Variants in GRM5 observed in about 807,000 individuals in gnomAD.
GRM5 encodes metabotropic glutamate receptor 5.
A neutral mutation model predicts 83.1 loss-of-function variants in GRM5; 19 were observed. That is an observed-to-expected ratio of 0.23 (90% CI 0.16 to 0.34). GRM5 has a LOEUF of 0.34. Ranked by LOEUF, GRM5 falls within the 10% of genes least tolerant of loss-of-function variation. The pLI is 1.00. For missense variants in GRM5, 1,160 were observed against 1,588.3 expected, an observed-to-expected ratio of 0.73 and a Z score of 4.58; for synonymous variants, 675 against 633.6, an observed-to-expected ratio of 1.07 and a Z score of -0.98.
chr11:88,898,400 T>C (rs986697535), intron 2 of GRM5, among the ~76,000 whole-genome samples: 11 of 151,996 alleles, frequency 7.2e-5, no homozygotes. Flanking sequence ...CATCCCTTTT[T>C]TGGAGGCGGG....
intron 2 of GRM5, among the ~76,000 whole-genome samples, chr11:89,019,204 C>T (rs1940925785): frequency 6.6e-6 from 1 of 152,130 alleles, no homozygotes; most frequent in African/African-American, 2.4e-5. Flanking sequence ...TCTCAGATTA[C>T]ATTGGGGTTG....
intron 3 of GRM5, among the ~76,000 whole-genome samples, chr11:88,772,712 T>C (rs1942766485): frequency 6.6e-6 from 1 of 152,168 alleles, no homozygotes; most frequent in Non-Finnish European, 1.5e-5. Context: ...TGGTTTTCTG[T>C]CCGAGCGATA....
At chr11:89,052,443 C>A (rs1941780793) in intron 1 of GRM5, among the ~76,000 whole-genome samples, 1 of 152,032 alleles carries the variant, frequency 6.6e-6, no homozygotes, top group Non-Finnish European at 1.5e-5. Flanking sequence ...GTTTTAGGTA[C>A]TTTATTTTTA....
intron 2 of GRM5, among the ~76,000 whole-genome samples, chr11:89,010,625 C>A (rs909832699): frequency 5.9e-5 from 9 of 151,496 alleles, no homozygotes; most frequent in Admixed American, 5.3e-4. Flanking sequence ...AAATTATAGA[C>A]AACATGTTAT....
At chr11:88,975,308 G>C (rs1428208818) in intron 2 of GRM5, among the ~76,000 whole-genome samples, 1 of 152,176 alleles carries the variant, frequency 6.6e-6, no homozygotes, top group East Asian at 1.9e-4. Context: ...GGAGTGAGAA[G>C]ACATCATTTC....
chr11:88,529,920 G>T (rs796195427), intron 8 of GRM5, among the ~76,000 whole-genome samples: 26 of 152,074 alleles, frequency 1.7e-4, no homozygotes, highest in African/African-American at 6.0e-4. Flanking sequence ...GGGCAAGGAA[G>T]TAAAAAGCTT....
chr11:88,986,690 A>T (rs1939722970), intron 2 of GRM5, among the ~76,000 whole-genome samples: 1 of 142,164 alleles, frequency 7.0e-6, no homozygotes, highest in African/African-American at 2.6e-5. Context: ...GCTGTACAGA[A>T]ATTTTGGTTT....
At chr11:88,834,861 C>T (rs1944063632) in intron 3 of GRM5, among the ~76,000 whole-genome samples, 1 of 152,156 alleles carries the variant, frequency 6.6e-6, no homozygotes, top group Non-Finnish European at 1.5e-5. Context: ...AGCTGGCTTA[C>T]TTGCAGAGAA....
chr11:88,935,814 TG>T (rs1937874891), intron 2 of GRM5, among the ~76,000 whole-genome samples: 1 of 151,980 alleles, frequency 6.6e-6, no homozygotes, highest in Admixed American at 6.6e-5. Flanking sequence ...TTATATTTTT[TG>T]TTAAAAGATT....
intron 8 of GRM5, among the ~76,000 whole-genome samples, chr11:88,535,033 G>A (rs2135122695): frequency 6.6e-6 from 1 of 152,270 alleles, no homozygotes; most frequent in South Asian, 2.1e-4. Flanking sequence ...CAGCCATGTG[G>A]AACTGTAAAT....
chr11:88,881,321 C>T (rs1944950113), intron 2 of GRM5, among the ~76,000 whole-genome samples: 1 of 149,730 alleles, frequency 6.7e-6, no homozygotes, highest in Non-Finnish European at 1.5e-5. Context: ...CCATAATAGG[C>T]CTAAAAAAAA....
chr11:88,830,461 G>A (rs1289688271), intron 3 of GRM5, among the ~76,000 whole-genome samples: 2 of 152,130 alleles, frequency 1.3e-5, no homozygotes, highest in African/African-American at 2.4e-5. Context: ...TGAATGTATT[G>A]CCTTAGAAAG....
rs192188974 is a variant in GRM5, at chr11:88,900,330, C to G, written c.662-50175G>C. Among the ~76,000 whole-genome samples the G allele has an allele frequency of 3.5e-3, 533 of 152,244 alleles. 2 individuals are homozygous for G. The highest frequency in any genetic ancestry group is 0.01 in the Middle Eastern group (3 of 294). ...CACTCCTATCATGACCAGTTTCAAG[C>G]CACAAATGTGAAATCACTGAACACA... On this transcript the variant is annotated intron_variant, in intron 2 of 9. Coordinates refer to ENST00000305447, the MANE Select transcript of GRM5 (RefSeq NM_001143831.3).
chr11:89,057,049 T>C (rs901675102), intron 1 of GRM5, among the ~76,000 whole-genome samples: 41 of 152,316 alleles, frequency 2.7e-4, no homozygotes, highest in African/African-American at 8.2e-4. Context: ...CAGCTCACAT[T>C]GTCCTTTATT....
chr11:88,902,057 C>T (rs1458908727), intron 2 of GRM5, among the ~76,000 whole-genome samples: 4 of 152,118 alleles, frequency 2.6e-5, no homozygotes, highest in African/African-American at 7.2e-5. Flanking sequence ...AGACGATCCC[C>T]TGAGAAGGTC....
chr11:88,578,070 T>C (rs533397954), intron 7 of GRM5, among the ~76,000 whole-genome samples: 5 of 152,214 alleles, frequency 3.3e-5, no homozygotes, highest in Admixed American at 6.5e-5. Flanking sequence ...TATCCTTTAT[T>C]ATTCTGGGGA....
intron 2 of GRM5, among the ~76,000 whole-genome samples, chr11:89,021,008 A>T (rs910598947): frequency 3.3e-5 from 5 of 152,202 alleles, no homozygotes; most frequent in African/African-American, 1.2e-4. Context: ...GAAGAACGAT[A>T]AATAATACAT....
intron 2 of GRM5, among the ~76,000 whole-genome samples, chr11:89,039,495 C>T (rs1175216060): frequency 6.6e-6 from 1 of 151,918 alleles, no homozygotes; most frequent in East Asian, 1.9e-4. Context: ...TCACTATCTC[C>T]TAAGAGTGGC....
At chr11:88,772,169 T>C (rs1228019379) in intron 3 of GRM5, among the ~76,000 whole-genome samples, 2 of 152,110 alleles carry the variant, frequency 1.3e-5, no homozygotes, top group Non-Finnish European at 2.9e-5. Context: ...AAGATATCTA[T>C]TGAAACATTA....
Sources: allele counts gnomAD v4.1 joint callset (sites outside exome capture counted in the v4.1 genomes callset), GRCh38; gene constraint gnomAD v4.1.1; transcripts MANE v1.5; gene names NCBI Gene and HGNC (gene_info 2026-07-23, HGNC 2026-07-21).